Variants in GRIP1 observed in about 807,000 individuals in gnomAD.
GRIP1 encodes the protein glutamate receptor interacting protein 1.
A neutral mutation model predicts 129.9 loss-of-function variants in GRIP1; 45 were observed. That is an observed-to-expected ratio of 0.35 (90% confidence interval 0.27 to 0.44). The LOEUF is 0.44. Ranked by LOEUF, GRIP1 falls within the 20% of genes least tolerant of loss-of-function variation. The probability of loss-of-function intolerance (pLI) is 1.00; values close to 1 mark genes in which losing one functional copy is unlikely to be tolerated. For missense variants in GRIP1, 1,196 were observed against 1,396.8 expected, an observed-to-expected ratio of 0.86 and a Z score of 2.29; for synonymous variants, 530 against 520.8, an observed-to-expected ratio of 1.02 and a Z score of -0.24.
intron 1 of GRIP1, among the ~76,000 whole-genome samples, chr12:66,827,909 G>A (rs1167589494): frequency 2.0e-5 from 3 of 152,172 alleles, no homozygotes; most frequent in Non-Finnish European, 4.4e-5. Flanking sequence ...AGTGTGTCAA[G>A]TTCTAGTTTT....
intron 1 of GRIP1, among the ~76,000 whole-genome samples, chr12:66,723,594 T>C (rs2036163712): frequency 6.6e-6 from 1 of 152,052 alleles, no homozygotes; most frequent in African/African-American, 2.4e-5. Context: ...ATCACAGGCA[T>C]GAGCCACCAC....
intron 1 of GRIP1, among the ~76,000 whole-genome samples, chr12:66,901,344 G>A (rs1440894033): frequency 6.6e-6 from 1 of 152,214 alleles, no homozygotes; most frequent in Non-Finnish European, 1.5e-5. Context: ...AGCAGAAGTA[G>A]GCCTAAGACT....
chr12:66,614,321 T>C (rs1423491382), intron 1 of GRIP1, among the ~76,000 whole-genome samples: 1 of 152,080 alleles, frequency 6.6e-6, no homozygotes, highest in Non-Finnish European at 1.5e-5. Context: ...AAAGGCATTT[T>C]AATCTTAACA....
intron 9 of GRIP1, among the ~76,000 whole-genome samples, chr12:66,462,006 T>C (rs545787720): frequency 4.6e-5 from 7 of 152,294 alleles, no homozygotes; most frequent in South Asian, 4.2e-4. Flanking sequence ...TTCATTTGAT[T>C]TGGGGCTCAA....
intron 7 of GRIP1, among the ~76,000 whole-genome samples, chr12:66,473,186 C>T (rs921145233): frequency 2.6e-5 from 4 of 152,136 alleles, no homozygotes; most frequent in African/African-American, 9.7e-5. Flanking sequence ...CAGTTTTCCC[C>T]TCACAGTGTA....
chr12:66,447,875 T>C (rs2058676141), intron 11 of GRIP1, among the ~76,000 whole-genome samples: 1 of 152,256 alleles, frequency 6.6e-6, no homozygotes, highest in Non-Finnish European at 1.5e-5. Flanking sequence ...TGGCCTCATC[T>C]GCTCTAGCTG....
At chr12:66,654,174 G>A (rs1451660261) in intron 1 of GRIP1, among the ~76,000 whole-genome samples, 1 of 151,994 alleles carries the variant, frequency 6.6e-6, no homozygotes, top group Non-Finnish European at 1.5e-5. Context: ...GCAGTGATAA[G>A]GGAGACAACT....
intron 1 of GRIP1, among the ~76,000 whole-genome samples, chr12:66,792,114 A>G (rs1407334728): frequency 1.3e-5 from 2 of 152,208 alleles, no homozygotes; most frequent in Non-Finnish European, 2.9e-5. Context: ...TAAATGTAAG[A>G]GCTACCAAAT....
chr12:66,562,421 G>A (rs749557928), intron 2 of GRIP1, among the ~76,000 whole-genome samples: 28 of 152,148 alleles, frequency 1.8e-4, no homozygotes, highest in Non-Finnish European at 5.9e-5. Flanking sequence ...TCAAGCTGCT[G>A]AGGCTCATTT....
chr12:66,875,014 T>C (rs1295445251), intron 1 of GRIP1, among the ~76,000 whole-genome samples: 1 of 152,092 alleles, frequency 6.6e-6, no homozygotes, highest in East Asian at 1.9e-4. Context: ...GAATTGGTAG[T>C]AAGACACATA....
intron 2 of GRIP1, among the ~76,000 whole-genome samples, chr12:66,556,574 A>C (rs746763833): frequency 2.0e-5 from 3 of 152,138 alleles, no homozygotes; most frequent in African/African-American, 4.8e-5. Context: ...AGAAAGACTA[A>C]ATGATGAACC....
At chr12:66,391,589 T>C (rs1030854874) in intron 19 of GRIP1, among the ~76,000 whole-genome samples, 1 of 152,232 alleles carries the variant, frequency 6.6e-6, no homozygotes, top group Admixed American at 6.5e-5. Context: ...TGGTGGCTCA[T>C]GCCTATTATC....
chr12:67,010,696 C>CT (rs2042692633), intron 1 of GRIP1, among the ~76,000 whole-genome samples: 1 of 152,136 alleles, frequency 6.6e-6, no homozygotes, highest in Non-Finnish European at 1.5e-5. Flanking sequence ...CTCATTGTAG[C>CT]TAACCCAAGA....
chr12:66,590,822 T>C (rs1307014638), intron 2 of GRIP1, among the ~76,000 whole-genome samples: 1 of 152,184 alleles, frequency 6.6e-6, no homozygotes, highest in African/African-American at 2.4e-5. Context: ...AAATGTCATG[T>C]TGGGTGGAGC....
chr12:66,365,073 T>C (rs908210180), intron 23 of GRIP1, among the ~76,000 whole-genome samples: 8 of 152,312 alleles, frequency 5.3e-5, no homozygotes, highest in African/African-American at 1.9e-4. Flanking sequence ...TGTATCAAGA[T>C]ATCCCTTTGT....
intron 1 of GRIP1, among the ~76,000 whole-genome samples, chr12:66,818,161 T>C (rs1235616623): frequency 6.6e-6 from 1 of 152,238 alleles, no homozygotes; most frequent in Non-Finnish European, 1.5e-5. Context: ...TGACACATCA[T>C]GCATTTGTTA....
intron 1 of GRIP1, among the ~76,000 whole-genome samples, chr12:67,008,316 A>G (rs191703288): frequency 3.9e-5 from 6 of 152,256 alleles, no homozygotes; most frequent in Admixed American, 2.0e-4. Context: ...TTCTTTGGGG[A>G]AAAAAATGTG....
At chr12:66,779,705 T>A (rs960811892) in intron 1 of GRIP1, among the ~76,000 whole-genome samples, 27 of 152,214 alleles carry the variant, frequency 1.8e-4, no homozygotes, top group Admixed American at 1.8e-3. Context: ...GAATACAGTG[T>A]TGAACAAGAC....
chr12:66,803,354 G>C (rs183442051), intron 1 of GRIP1, among the ~76,000 whole-genome samples: 1 of 152,074 alleles, frequency 6.6e-6, no homozygotes, highest in African/African-American at 2.4e-5. Context: ...GGCATTTCTG[G>C]GCATTTTAAA....
Sources: gnomAD v4.1 joint callset for allele counts (sites outside exome capture counted in the v4.1 genomes callset) on GRCh38, gnomAD v4.1.1 for gene constraint, MANE v1.5 for transcripts, NCBI Gene and HGNC (gene_info 2026-07-23, HGNC 2026-07-21) for gene names.